SORCS1: variants seen among roughly 807,000 people sequenced by gnomAD.
SORCS1 encodes the protein VPS10 domain-containing receptor SorCS1.
SORCS1 carries 60 observed loss-of-function variants against 146.1 expected under a neutral mutation model. The ratio of observed to expected loss-of-function variants is 0.41; its 90% CI spans 0.33 to 0.51. The LOEUF (loss-of-function observed/expected upper bound fraction) is 0.51, where lower values mean the gene tolerates loss of function less well. Among genes scored for constraint, SORCS1 ranks in the 20% least tolerant of loss-of-function variants. The pLI is 0.21. For synonymous variants in SORCS1, 637 were observed against 584.0 expected (o/e 1.09, Z -1.31); for missense variants, 1,352 against 1,487.6 (o/e 0.91, Z 1.50).
At chr10:107,179,426 C>T in the SORCS1 span, among the ~76,000 whole-genome samples, 52 of 152,194 alleles carry the variant, frequency 3.4e-4, no homozygotes, top group African/African-American at 1.2e-3. Context: ...AATTTGTTCT[C>T]CATTTATATA....
chr10:106,824,853 G>A (rs1386249529), intron 3 of SORCS1, among the ~76,000 whole-genome samples: 2 of 152,150 alleles, frequency 1.3e-5, no homozygotes, highest in Non-Finnish European at 2.9e-5. Flanking sequence ...AGTCTTAGAA[G>A]AGTCTCTCAG....
intron 1 of SORCS1, among the ~76,000 whole-genome samples, chr10:107,067,143 G>C (rs1335963310): frequency 1.3e-5 from 2 of 152,134 alleles, no homozygotes; most frequent in Non-Finnish European, 2.9e-5. Flanking sequence ...GTGGGATTTT[G>C]ATGTCATTTT....
At chr10:106,851,800 A>G (rs544831628) in intron 2 of SORCS1, among the ~76,000 whole-genome samples, 2 of 152,370 alleles carry the variant, frequency 1.3e-5, no homozygotes, top group African/African-American at 2.4e-5. Context: ...AAGAACTGAC[A>G]TCTTGGCAAT....
chr10:106,801,299 G>A (rs908380996), intron 3 of SORCS1, among the ~76,000 whole-genome samples: 3 of 152,016 alleles, frequency 2.0e-5, no homozygotes, highest in Admixed American at 2.0e-4. Flanking sequence ...AGAGAAGGAA[G>A]GATAAAGTTT....
At chr10:106,797,235 A>C (rs1946616289) in intron 3 of SORCS1, among the ~76,000 whole-genome samples, 1 of 152,126 alleles carries the variant, frequency 6.6e-6, no homozygotes, top group Non-Finnish European at 1.5e-5. Context: ...AAACACTGTC[A>C]TTTTGCTCTG....
At chr10:106,843,523 C>G (rs554313795) in intron 2 of SORCS1, among the ~76,000 whole-genome samples, 106 of 151,756 alleles carry the variant, frequency 7.0e-4, no homozygotes, top group Non-Finnish European at 1.4e-3. Context: ...GCTCCGCCCC[C>G]CAGGTTCACG....
intron 2 of SORCS1, among the ~76,000 whole-genome samples, chr10:106,924,646 C>T (rs1952909905): frequency 6.6e-6 from 1 of 151,776 alleles, no homozygotes; most frequent in South Asian, 2.1e-4. Context: ...AATTGTCCAC[C>T]ATCCTCACTT....
At chr10:107,141,042 C>T (rs1403689452) in intron 1 of SORCS1, among the ~76,000 whole-genome samples, 2 of 152,186 alleles carry the variant, frequency 1.3e-5, no homozygotes, top group Non-Finnish European at 2.9e-5. Flanking sequence ...AGTTCAGTCT[C>T]TACAGTCCTC....
chr10:106,639,318 C>T (rs1016179068), intron 18 of SORCS1, among the ~76,000 whole-genome samples: 1 of 152,156 alleles, frequency 6.6e-6, no homozygotes, highest in African/African-American at 2.4e-5. Context: ...GATTGAAAAT[C>T]CAAACTGAAG....
At chr10:107,087,636 A>G (rs1169184492) in intron 1 of SORCS1, among the ~76,000 whole-genome samples, 1 of 152,238 alleles carries the variant, frequency 6.6e-6, no homozygotes, top group Non-Finnish European at 1.5e-5. Flanking sequence ...TAGTGAAGAT[A>G]AAGAAGGTGA....
intron 2 of SORCS1, among the ~76,000 whole-genome samples, chr10:106,934,903 A>C (rs539340002): frequency 7.9e-5 from 12 of 152,276 alleles, no homozygotes; most frequent in African/African-American, 2.9e-4. Flanking sequence ...TGGACACTGG[A>C]AACTCAGAAA....
chr10:106,634,787 T>C (rs1040681107), intron 18 of SORCS1, among the ~76,000 whole-genome samples: 22 of 152,202 alleles, frequency 1.4e-4, no homozygotes, highest in African/African-American at 5.3e-4. Context: ...TGAGAAACAA[T>C]TGGTATTCAT....
At chr10:106,797,741 C>G (rs1235046052) in intron 3 of SORCS1, among the ~76,000 whole-genome samples, 1 of 152,148 alleles carries the variant, frequency 6.6e-6, no homozygotes, top group Non-Finnish European at 1.5e-5. Context: ...ACCTTCAGTC[C>G]ATGCAGCCAG....
chr10:106,901,428 G>GT (rs1367267799), intron 2 of SORCS1, among the ~76,000 whole-genome samples: 1 of 152,130 alleles, frequency 6.6e-6, no homozygotes, highest in African/African-American at 2.4e-5. Context: ...AAGGTATGCA[G>GT]TTTTTTGGTT....
intron 3 of SORCS1, among the ~76,000 whole-genome samples, chr10:106,811,568 C>T (rs761262979): frequency 4.9e-4 from 74 of 152,242 alleles, no homozygotes; most frequent in African/African-American, 1.6e-3. Context: ...TTCATATATG[C>T]GGACGTTTAA....
intron 3 of SORCS1, among the ~76,000 whole-genome samples, chr10:106,813,974 C>T (rs945230478): frequency 6.6e-6 from 1 of 152,058 alleles, no homozygotes; most frequent in Non-Finnish European, 1.5e-5. Flanking sequence ...AAAAGAAATA[C>T]CAACGAGAAA....
intron 23 of SORCS1, among the ~76,000 whole-genome samples, chr10:106,602,885 T>C (rs1367322609): frequency 6.6e-6 from 1 of 152,220 alleles, no homozygotes; most frequent in Non-Finnish European, 1.5e-5. Context: ...AATAAATTTC[T>C]ATTTTCTTAA....
intron 9 of SORCS1, among the ~76,000 whole-genome samples, chr10:106,692,955 T>C (rs1259993817): frequency 4.0e-5 from 6 of 151,824 alleles, no homozygotes; most frequent in Admixed American, 3.3e-4. Context: ...TATGTACCAA[T>C]AAAAAATAAA....
In SORCS1 at chr10:107,008,951, T is replaced by C. The variant is rs564757639; in HGVS notation, c.559-52371A>G. ...GGTGGAGGCTGCAGTGAGCCAAGATTGCGCCACTGCACTCCAGCCTGGTGA... is the reference window on the plus strand; with the variant it reads ...GGTGGAGGCTGCAGTGAGCCAAGATCGCGCCACTGCACTCCAGCCTGGTGA... On this transcript the variant is annotated intron_variant, in intron 1 of 25. Coordinates refer to ENST00000263054, the MANE Select transcript of SORCS1 (RefSeq NM_052918.5). Among the ~76,000 whole-genome samples the C allele has an allele frequency of 5.3e-4, 81 of 152,318 alleles. No homozygotes were observed. The South Asian group carries it at 6.4e-3, about 12-fold the overall frequency.
Sources: gnomAD v4.1 joint callset for allele counts (sites outside exome capture counted in the v4.1 genomes callset) on GRCh38, gnomAD v4.1.1 for gene constraint, MANE v1.5 for transcripts, NCBI Gene and HGNC (gene_info 2026-07-23, HGNC 2026-07-21) for gene names.